Variants in CDADC1 observed in about 807,000 individuals in gnomAD.
CDADC1 encodes cytidine and dCMP deaminase domain containing 1.
In CDADC1, 39 loss-of-function variants were observed where a neutral mutation model predicts 54.9. That is an observed-to-expected ratio of 0.71 (90% CI 0.55 to 0.93). The LOEUF is 0.93. CDADC1 is among the 40% of genes least tolerant of loss of function. CDADC1 has a pLI of 0.00. For synonymous variants in CDADC1, 186 were observed against 204.0 expected, an observed-to-expected ratio of 0.91 and a Z score of 0.75; for missense variants, 518 against 618.8, an observed-to-expected ratio of 0.84 and a Z score of 1.73.
At chr13:49,262,701 T>G (rs1169174382) in intron 4 of CDADC1, among the ~76,000 whole-genome samples, 2 of 151,986 alleles carry the variant, frequency 1.3e-5, no homozygotes, top group Non-Finnish European at 2.9e-5. Context: ...CGGCTAATTT[T>G]TGTATTTTTA....
chr13:49,269,733 A>G (rs2138226301), intron 5 of CDADC1, among the ~76,000 whole-genome samples: 1 of 152,344 alleles, frequency 6.6e-6, no homozygotes, highest in South Asian at 2.1e-4. Flanking sequence ...CCAGAGTAAG[A>G]GGGCGATGTG....
intron 3 of CDADC1, among the ~76,000 whole-genome samples, chr13:49,257,686 C>T (rs961830537): frequency 1.3e-5 from 2 of 152,144 alleles, no homozygotes; most frequent in Admixed American, 6.5e-5. Context: ...GGCATGAACC[C>T]GGGAGGCGGA....
rs201046255 is a variant in CDADC1, at chr13:49,274,363, A to C, written c.1050+23A>C. 207 of 1,590,700 alleles carry C rather than the reference A, an allele frequency of 1.3e-4. No individual in the cohort carries two copies. The African/African-American group carries it at 2.6e-3, about 20-fold the overall frequency. On this transcript the variant is annotated intron_variant, in intron 6 of 9. Transcript: ENST00000251108. ...TCTGTAAGTATGAAAACAATTCTTT[A>C]AATATTTAACCTGGATTTTGTTTAA...
intron 4 of CDADC1, among the ~76,000 whole-genome samples, chr13:49,262,472 A>G (rs549558791): frequency 6.6e-6 from 1 of 152,126 alleles, no homozygotes; most frequent in Non-Finnish European, 1.5e-5. Flanking sequence ...AAAACACTAC[A>G]TTCATACTAA....
chr13:49,248,626 G>A (rs923195542), intron 1 of CDADC1, among the ~76,000 whole-genome samples: 1 of 152,156 alleles, frequency 6.6e-6, no homozygotes, highest in Non-Finnish European at 1.5e-5. Context: ...TAGCTGTACC[G>A]TTTTTTCCTG....
At chr13:49,258,427 AACTG>A (rs1952599994) in intron 3 of CDADC1, among the ~76,000 whole-genome samples, 1 of 152,178 alleles carries the variant, frequency 6.6e-6, no homozygotes, top group African/African-American at 2.4e-5. Context: ...CCTTATGCAG[AACTG>A]ACTTTTTTTT....
intron 4 of CDADC1, among the ~76,000 whole-genome samples, chr13:49,262,629 C>T (rs1952714274): frequency 1.3e-5 from 2 of 152,094 alleles, no homozygotes; most frequent in Admixed American, 1.3e-4. Context: ...CTCCCAGGTT[C>T]AAGCGATTCC....
At chr13:49,263,515 G>A (rs190600661) in intron 4 of CDADC1, among the ~76,000 whole-genome samples, 310 of 152,288 alleles carry the variant, frequency 2.0e-3, no homozygotes, top group African/African-American at 7.0e-3. Flanking sequence ...TGTTGATATG[G>A]TTTCAGATTC....
rs112706116 is a variant in CDADC1 at position 49,267,900 on chromosome 13, C to T, written c.841C>T (p.Leu281=). The T allele has an allele frequency of 4.3e-6, 7 of 1,614,116 alleles. No individual in the cohort carries two copies. The highest frequency in any genetic ancestry group is 2.2e-5 in the South Asian group (2 of 91,078). The change falls in exon 5 of 10, where the codon CTA becomes TTA. Residue 281 remains leucine (L), a synonymous_variant. Coordinates refer to ENST00000251108, the MANE Select transcript of CDADC1 (RefSeq NM_030911.4). ...NLRQNMKDLI[L]LLATVASSVP... is the part of the protein sequence containing the mutation. Reference sequence around the variant, plus strand: ...AAGGCAAAACATGAAAGACCTTATCCTACTTTTGGCCACAGTAGCTTCCAG... The same window carrying T: ...AAGGCAAAACATGAAAGACCTTATCTTACTTTTGGCCACAGTAGCTTCCAG...
chr13:49,271,555 C>G (rs1321773915), intron 5 of CDADC1, among the ~76,000 whole-genome samples: 1 of 151,184 alleles, frequency 6.6e-6, no homozygotes, highest in African/African-American at 2.4e-5. Flanking sequence ...TTGCCTGCCT[C>G]TCTCAGAGAG....
At chr13:49,249,222 T>C (rs1429181000) in intron 2 of CDADC1, among the ~76,000 whole-genome samples, 1 of 152,228 alleles carries the variant, frequency 6.6e-6, no homozygotes. Context: ...AAGATTATTG[T>C]CTATACCACA....
In CDADC1 at chr13:49,248,008, T is replaced by A; in HGVS notation, c.-30T>A. On this transcript the variant is annotated 5_prime_UTR_variant, in exon 1 of 10. Transcript: ENST00000251108. ...AGATCATGTCTGACTGGGAGAGGTT[T>A]CCTTGGCAGCAGAGGACGCTAGGTT... 3 of 1,547,630 alleles carry A rather than the reference T, an allele frequency of 1.9e-6. No individual in the cohort carries two copies. The highest frequency in any genetic ancestry group is 2.6e-6 in the Non-Finnish European group (3 of 1,143,466).
intron 5 of CDADC1, among the ~76,000 whole-genome samples, chr13:49,269,692 A>G (rs1435428096): frequency 1.3e-5 from 2 of 152,230 alleles, no homozygotes; most frequent in Non-Finnish European, 2.9e-5. Context: ...ACCCTTCACT[A>G]ATTAGAATTC....
chr13:49,259,630 C>T (rs948402066), intron 4 of CDADC1, 107 bp downstream of exon 4: 4 of 1,080,946 alleles, frequency 3.7e-6, no homozygotes, highest in South Asian at 1.5e-5. Context: ...GCAGGAGGAT[C>T]GCCTGAGCCC....
At position 49,278,263 on chromosome 13, in the gene CDADC1, C is replaced by T. The variant is rs919812614; in HGVS notation, c.1051-87C>T. Reference sequence around the variant, plus strand: ...GAAAATTGAATGAATATTCATTATACAAAGTATGATAGCAAGCTTCAAAAA... The same window carrying T: ...GAAAATTGAATGAATATTCATTATATAAAGTATGATAGCAAGCTTCAAAAA... On this transcript the variant is annotated intron_variant, in intron 6 of 9. Transcript: ENST00000251108. 3.1e-6 allele frequency: 3 copies of T among 968,116 alleles called. No individual in the cohort carries two copies. In the African/African-American group the frequency reaches 4.9e-5, roughly 16 times the overall value. The allele number at this position is 968,116 out of a possible 1,614,324, so 60.0% of individuals were successfully genotyped here. A position where few individuals can be genotyped will look rare whatever the true frequency, so the allele number is the denominator to read the frequency against.
chr13:49,291,109 A>C (rs1271057088), intron 9 of CDADC1, among the ~76,000 whole-genome samples: 2 of 151,582 alleles, frequency 1.3e-5, no homozygotes, highest in African/African-American at 4.8e-5. Flanking sequence ...CCCACCAAAA[A>C]CATAAAACAA....
chr13:49,275,441 T>C (rs957160488), intron 6 of CDADC1, among the ~76,000 whole-genome samples: 1 of 151,118 alleles, frequency 6.6e-6, no homozygotes, highest in Non-Finnish European at 1.5e-5. Context: ...ATTAGGAGGA[T>C]ATCATCAGGC....
chr13:49,253,016 C>G (rs985531871), intron 2 of CDADC1, among the ~76,000 whole-genome samples: 12 of 152,044 alleles, frequency 7.9e-5, no homozygotes, highest in African/African-American at 2.7e-4. Flanking sequence ...GAGTTGAGTA[C>G]AAACTTTTTC....
chr13:49,251,512 T>C (rs929421422), intron 2 of CDADC1, among the ~76,000 whole-genome samples: 4 of 152,124 alleles, frequency 2.6e-5, no homozygotes, highest in African/African-American at 7.2e-5. Context: ...TCGTTTTAGT[T>C]CTGTTTTTTT....
Sources: gnomAD v4.1 joint callset for allele counts (sites outside exome capture counted in the v4.1 genomes callset) on GRCh38, gnomAD v4.1.1 for gene constraint, MANE v1.5 for transcripts, NCBI Gene and HGNC (gene_info 2026-07-23, HGNC 2026-07-21) for gene names.